NRG1: variants seen among roughly 807,000 people sequenced by gnomAD.
The protein encoded by NRG1 is pro-neuregulin-1, membrane-bound isoform.
NRG1 carries 18 observed loss-of-function variants against 63.8 expected under a neutral mutation model. The observed-to-expected ratio is 0.28, with a 90% CI of 0.19 to 0.42. The LOEUF (loss-of-function observed/expected upper bound fraction) is 0.42, where lower values mean the gene tolerates loss of function less well. NRG1 is among the 10% of genes least tolerant of loss of function. NRG1 has a pLI of 1.00. For missense variants in NRG1, 762 were observed against 814.7 expected, an observed-to-expected ratio of 0.94 and a Z score of 0.79; for synonymous variants, 302 against 301.3, an observed-to-expected ratio of 1.00 and a Z score of -0.02.
rs771665636 is a variant in NRG1 at position 31,708,446 on chromosome 8, G to GTT, written c.37+69031_37+69032dup. On this transcript the variant is annotated intron_variant, in intron 1 of 10. Transcript: ENST00000519301. ...TTGAGAAAGAAAAATAAACATAATTGTTTTTTTTTTTTTTTTTGAGACGGA... is the reference window on the plus strand; with the variant it reads ...TTGAGAAAGAAAAATAAACATAATTGTTTTTTTTTTTTTTTTTTTGAGACGGA... 4.7e-3 allele frequency among the ~76,000 whole-genome samples: 404 copies of GTT among 85,436 alleles called. 3 individuals are homozygous for GTT. The highest frequency in any genetic ancestry group is 0.011 in the East Asian group (47 of 4,292). 56.0% of individuals were successfully genotyped at this position (85,436 alleles called of 152,430 possible).
At chr8:32,275,097 G>A (rs1445953806) in intron 1 of NRG1, among the ~76,000 whole-genome samples, 2 of 152,030 alleles carry the variant, frequency 1.3e-5, no homozygotes, top group Non-Finnish European at 2.9e-5. Context: ...CTGGAAGAGA[G>A]CATCCCACAA....
At chr8:32,254,659 G>A (rs890486892) in intron 1 of NRG1, among the ~76,000 whole-genome samples, 19 of 152,188 alleles carry the variant, frequency 1.2e-4, no homozygotes, top group African/African-American at 4.1e-4. Context: ...CTGTTGATTT[G>A]GGGTGTAGAG....
intron 1 of NRG1, among the ~76,000 whole-genome samples, chr8:31,912,599 AAGGTT>A (rs1444256973): frequency 7.6e-6 from 1 of 131,686 alleles, no homozygotes; most frequent in Non-Finnish European, 1.6e-5. Context: ...GATGTGGTGT[AAGGTT>A]AGAAGACTAG....
At chr8:32,336,892 G>A (rs140171423) in intron 1 of NRG1, among the ~76,000 whole-genome samples, 209 of 152,278 alleles carry the variant, frequency 1.4e-3, no homozygotes, top group African/African-American at 4.7e-3. Context: ...TTACAGGCAT[G>A]AGCCACTGTG....
chr8:32,213,826 T>G (rs962487142), intron 1 of NRG1, among the ~76,000 whole-genome samples: 1 of 152,116 alleles, frequency 6.6e-6, no homozygotes, highest in Admixed American at 6.5e-5. Context: ...TTTATTAGTG[T>G]GTGCATTGGG....
At chr8:32,374,169 C>T (rs542121571) in intron 1 of NRG1, among the ~76,000 whole-genome samples, 19 of 152,214 alleles carry the variant, frequency 1.2e-4, no homozygotes, top group African/African-American at 4.3e-4. Context: ...TGGAATTGAA[C>T]GGGCTTATTT....
intron 1 of NRG1, among the ~76,000 whole-genome samples, chr8:32,536,630 T>A (rs10094655): frequency 0.11 from 16,739 of 151,870 alleles, 2,335 homozygotes; most frequent in East Asian, 0.59. Flanking sequence ...ATCTTAGAAT[T>A]CTGTTTGTTG....
chr8:32,690,177 A>T (rs1811203193), intron 5 of NRG1, among the ~76,000 whole-genome samples: 1 of 152,126 alleles, frequency 6.6e-6, no homozygotes, highest in Non-Finnish European at 1.5e-5. Flanking sequence ...CAAGTTTTTA[A>T]AGCACTTGAC....
At chr8:32,763,806 A>C (rs762920974) in exon 12 of NRG1, 1 of 1,596,358 alleles carries the variant, frequency 6.3e-7, no homozygotes, top group Non-Finnish European at 8.5e-7. Flanking sequence ...CCACACGCCA[A>C]GCTCCCCCAA....
At chr8:32,610,844 A>G (rs1458379342) in intron 3 of NRG1, among the ~76,000 whole-genome samples, 1 of 152,168 alleles carries the variant, frequency 6.6e-6, no homozygotes, top group African/African-American at 2.4e-5. Context: ...ATAGGCAGTA[A>G]TTATGTGATA....
At chr8:31,946,155 A>G (rs1440839673) in intron 1 of NRG1, among the ~76,000 whole-genome samples, 2 of 152,190 alleles carry the variant, frequency 1.3e-5, no homozygotes, top group Non-Finnish European at 2.9e-5. Context: ...TTGCCTAAAC[A>G]ATTCATCATT....
intron 5 of NRG1, among the ~76,000 whole-genome samples, chr8:32,697,461 A>G (rs1813660752): frequency 6.6e-6 from 1 of 152,182 alleles, no homozygotes; most frequent in Admixed American, 6.5e-5. Flanking sequence ...TATAAGCTTG[A>G]CAGAGCTTTC....
chr8:32,029,014 A>T (rs1463668647), intron 1 of NRG1, among the ~76,000 whole-genome samples: 1 of 152,188 alleles, frequency 6.6e-6, no homozygotes, highest in Non-Finnish European at 1.5e-5. Context: ...ATTCATCTCT[A>T]TGGGTAGTCA....
At chr8:32,609,410 G>A (rs1229173408) in intron 3 of NRG1, among the ~76,000 whole-genome samples, 2 of 151,988 alleles carry the variant, frequency 1.3e-5, no homozygotes, top group East Asian at 3.9e-4. Flanking sequence ...ACGTTGCACA[G>A]AAACACTTTT....
intron 1 of NRG1, among the ~76,000 whole-genome samples, chr8:32,321,355 A>G (rs1049692320): frequency 6.6e-6 from 1 of 152,114 alleles, no homozygotes; most frequent in Non-Finnish European, 1.5e-5. Flanking sequence ...GTTCCACATT[A>G]TAAGGATGGA....
chr8:32,255,093 C>T (rs1384158168), intron 1 of NRG1, among the ~76,000 whole-genome samples: 10 of 152,276 alleles, frequency 6.6e-5, no homozygotes, highest in South Asian at 2.1e-4. Context: ...TGTCTTTGCA[C>T]GTGAGACGTG....
intron 1 of NRG1, among the ~76,000 whole-genome samples, chr8:32,566,129 G>A (rs1383365645): frequency 2.6e-5 from 4 of 152,010 alleles, no homozygotes. Flanking sequence ...CAAGGAGACG[G>A]GTGGATCACC....
At chr8:32,601,680 C>T (rs750408591) in intron 2 of NRG1, among the ~76,000 whole-genome samples, 6 of 151,836 alleles carry the variant, frequency 4.0e-5, no homozygotes, top group Non-Finnish European at 8.8e-5. Flanking sequence ...GATTTCTAGG[C>T]CCTATTCAAT....
At chr8:31,946,673 C>T (rs891655040) in intron 1 of NRG1, among the ~76,000 whole-genome samples, 6 of 152,222 alleles carry the variant, frequency 3.9e-5, no homozygotes, top group African/African-American at 7.2e-5. Context: ...TAGCCTATGG[C>T]GGCTGTCATG....
Sources: gnomAD v4.1 joint callset for allele counts (sites outside exome capture counted in the v4.1 genomes callset) on GRCh38, gnomAD v4.1.1 for gene constraint, MANE v1.5 for transcripts, NCBI Gene and HGNC (gene_info 2026-07-23, HGNC 2026-07-21) for gene names.